Variants in FAM120AOS observed in about 807,000 individuals in gnomAD.
FAM120AOS encodes the protein uncharacterized protein FAM120AOS.
In FAM120AOS, 15 loss-of-function variants were observed where a neutral mutation model predicts 20.2. The ratio of observed to expected loss-of-function variants is 0.74; its 90% CI spans 0.50 to 1.15. The LOEUF (loss-of-function observed/expected upper bound fraction) is 1.15, where lower values mean the gene tolerates loss of function less well. FAM120AOS is among the 50% of genes most tolerant of loss of function. FAM120AOS has a pLI of 0.00. For synonymous variants in FAM120AOS, 154 were observed against 154.0 expected (o/e 1.00, Z 0.00); for missense variants, 327 against 351.9 (o/e 0.93, Z 0.57).
chr9:93,448,764 C>T (rs1337396147), intron 2 of FAM120AOS, among the ~76,000 whole-genome samples: 3 of 151,960 alleles, frequency 2.0e-5, no homozygotes, highest in African/African-American at 7.3e-5. Context: ...ACTATAGGCG[C>T]CTGCCACCAC....
rs1856874665 is a variant in FAM120AOS, at chr9:93,447,155, T to G, written c.*456A>C. 1 of 158,460 alleles carries G rather than the reference T, an allele frequency of 6.3e-6. No homozygotes were observed. The highest frequency in any genetic ancestry group is 1.4e-5 in the Non-Finnish European group (1 of 71,466). The allele number at this position is 158,460 out of a possible 1,614,324, so 9.8% of individuals were successfully genotyped here. A position where few individuals can be genotyped will look rare whatever the true frequency, so the allele number is the denominator to read the frequency against. On this transcript the variant is annotated 3_prime_UTR_variant, in exon 3 of 3. Transcript: ENST00000375412. Reference sequence around the variant, plus strand: ...CCCCACTATAAAGGGCAATATGATCTGTTGCAGGAGGGTTTATAGGGTACT... The same window carrying G: ...CCCCACTATAAAGGGCAATATGATCGGTTGCAGGAGGGTTTATAGGGTACT...
In FAM120AOS at chr9:93,452,683, A is replaced by G. The variant is rs773546079; in HGVS notation, c.27T>C (p.Asp9=). 1 of 1,598,716 alleles carries G rather than the reference A, an allele frequency of 6.3e-7. No homozygotes were observed. Among genetic ancestry groups the G allele is most frequent in the East Asian group, 2.2e-5 (1 of 44,872 alleles). MGKTKDIG[D]DDTVASEFWS... The stretch of plus-strand genomic sequence containing the variant: ...AGAATTCGGAGGCGACAGTGTCATC[A>G]TCCCCAATATCCTTAGTTTTTCCCA... Residue 9 remains aspartate, a synonymous_variant, in exon 1 of 3, where the codon GAT becomes GAC. Coordinates refer to ENST00000375412, the MANE Select transcript of FAM120AOS (RefSeq NM_198841.4). The surrounding 1 kb of genome is among the most constrained non-coding windows in gnomAD (Gnocchi z 7.0).
intron 1 of FAM120AOS, chr9:93,451,147 C>A: frequency 1.9e-6 from 3 of 1,550,522 alleles, no homozygotes; most frequent in Non-Finnish European, 2.6e-6. Context: ...CAGGCGCGGC[C>A]GGCCAGCATC....
At position 93,450,496 on chromosome 9, in the gene FAM120AOS, T is replaced by C. The variant is rs941284129; in HGVS notation, c.667A>G (p.Ile223Val). 2 of 1,584,604 alleles carry C rather than the reference T, an allele frequency of 1.3e-6. No homozygotes were observed. Among genetic ancestry groups the C allele is most frequent in the South Asian group, 1.2e-5 (1 of 86,452 alleles). ...HAHGLAKEAP[I>V]LPVKKISRSC... is the part of the protein sequence containing the mutation. ...CAACTTGCCTTTTTCACCGGGAGTA[T>C]GGGGGCTTCTTTGGCCAAACCGTGC... The change falls in exon 2 of 3, where the codon ATA becomes GTA. Residue 223 changes from isoleucine (I) to valine (V), a missense_variant. By Grantham distance (29) the Ile-to-Val change is conservative. Around this residue, in one of 3 missense-constraint regions of FAM120AOS, gnomAD observed 86 missense variants for 82.9 expected, o/e 1.04. Coordinates refer to ENST00000375412, the MANE Select transcript of FAM120AOS (RefSeq NM_198841.4).
chr9:93,445,586 T>G lies in FAM120AOS; in HGVS notation c.*2025A>C, dbSNP rs924913467. 7.3e-6 allele frequency among the ~76,000 whole-genome samples: 1 copy of G among 136,276 alleles called. No individual in the cohort carries two copies. Among genetic ancestry groups the G allele is most frequent in the African/African-American group, 3.0e-5 (1 of 33,618 alleles). 89.4% of individuals were successfully genotyped at this position (136,276 alleles called of 152,430 possible). On this transcript the variant is annotated 3_prime_UTR_variant, in exon 3 of 3. Coordinates refer to ENST00000375412, the MANE Select transcript of FAM120AOS (RefSeq NM_198841.4). ...TCCAACTTTCATAAAAATCGTTGTTTTTTTTTTTTTTTTTTTTTTTTGAGA... is the reference window on the plus strand; with the variant it reads ...TCCAACTTTCATAAAAATCGTTGTTGTTTTTTTTTTTTTTTTTTTTTGAGA...
intron 1 of FAM120AOS, 32 bp from the exon 2 acceptor site, chr9:93,450,631 G>GT (rs1564294504): frequency 3.7e-6 from 6 of 1,608,606 alleles, no homozygotes; most frequent in South Asian, 2.2e-5. Flanking sequence ...AGAGATGAAG[G>GT]TAAGTAAAAG....
chr9:93,450,487 C>T lies in FAM120AOS; in HGVS notation c.676G>A (p.Val226Met). The change falls in exon 2 of 3, where the codon GTG becomes ATG. Residue 226 changes from valine to methionine, a missense_variant. Coordinates refer to ENST00000375412, the MANE Select transcript of FAM120AOS (RefSeq NM_198841.4). ...AGAAAAATCCAACTTGCCTTTTTCACCGGGAGTATGGGGGCTTCTTTGGCC... is the reference window on the plus strand; with the variant it reads ...AGAAAAATCCAACTTGCCTTTTTCATCGGGAGTATGGGGGCTTCTTTGGCC... ...GLAKEAPILPVKKISRSCSVN... is the reference protein window; with the variant it reads ...GLAKEAPILPMKKISRSCSVN... The T allele has an allele frequency of 6.4e-7, 1 of 1,569,818 alleles. No individual in the cohort carries two copies. Among genetic ancestry groups the T allele is most frequent in the Non-Finnish European group, 8.6e-7 (1 of 1,160,742 alleles).
chr9:93,450,461 C>G lies in FAM120AOS; in HGVS notation c.684+18G>C, dbSNP rs1564293957. On this transcript the variant is annotated intron_variant, in intron 2 of 2. Transcript: ENST00000375412. ...TTGAGGTGGGTATCAGAAAAGAAAG[C>G]AGAAAAATCCAACTTGCCTTTTTCA... 1 of 1,547,566 alleles carries G rather than the reference C, an allele frequency of 6.5e-7. No individual in the cohort carries two copies. The highest frequency in any genetic ancestry group is 2.3e-5 in the East Asian group (1 of 44,258).
chr9:93,451,535 C>T, intron 1 of FAM120AOS: 3 of 989,966 alleles, frequency 3.0e-6, no homozygotes, highest in Non-Finnish European at 3.6e-6. Flanking sequence ...TCCGCCTCCG[C>T]CGCCGCCTCC....
rs1285952707 is a variant in FAM120AOS at position 93,445,616 on chromosome 9, G to A, written c.*1995C>T. On this transcript the variant is annotated 3_prime_UTR_variant, in exon 3 of 3. Coordinates refer to ENST00000375412, the MANE Select transcript of FAM120AOS (RefSeq NM_198841.4). ...TTTTTTTTTTTTTTTTTGAGACAAGGCCTCACTCTGTTGCCCAGGCTGGAG... is the reference window on the plus strand; with the variant it reads ...TTTTTTTTTTTTTTTTTGAGACAAGACCTCACTCTGTTGCCCAGGCTGGAG... Among the ~76,000 whole-genome samples, 2 of 113,076 alleles carry A rather than the reference G, an allele frequency of 1.8e-5. No individual in the cohort carries two copies. Among genetic ancestry groups the A allele is most frequent in the Non-Finnish European group, 3.5e-5 (2 of 56,964 alleles). 74.2% of individuals were successfully genotyped at this position (113,076 alleles called of 152,430 possible). A position where few individuals can be genotyped will look rare whatever the true frequency, so the allele number is the denominator to read the frequency against.
intron 2 of FAM120AOS, 25 bp from the exon 3 acceptor site, chr9:93,447,722 T>C: frequency 6.4e-7 from 1 of 1,567,466 alleles, no homozygotes; most frequent in Non-Finnish European, 8.8e-7. Flanking sequence ...AAAAAGGTAG[T>C]TTATATATTA....
At chr9:93,451,599 G>A (rs556452661) in intron 1 of FAM120AOS, 1 of 982,566 alleles carries the variant, frequency 1.0e-6, no homozygotes, top group East Asian at 1.2e-4. Flanking sequence ...GCTAGCCGGC[G>A]GGCCTGGGCG....
chr9:93,450,353 A>G, intron 2 of FAM120AOS, 126 bp downstream of exon 2: 1 of 1,408,582 alleles, frequency 7.1e-7, no homozygotes, highest in Non-Finnish European at 9.5e-7. Flanking sequence ...GGTGAGTGGC[A>G]TAACTTGTCA....
chr9:93,453,505 C>T lies in FAM120AOS; in HGVS notation c.-796G>A, dbSNP rs1439393345. The T allele has an allele frequency of 4.1e-6, 4 of 985,334 alleles. No homozygotes were observed. In the South Asian group the frequency reaches 1.4e-4, roughly 35 times the overall value. The allele number at this position is 985,334 out of a possible 1,614,324, so 61.0% of individuals were successfully genotyped here. A position where few individuals can be genotyped will look rare whatever the true frequency, so the allele number is the denominator to read the frequency against. ...GTCATTTGACATTTCCTTGAAACTGCTGGAGCTGAAAGTTTGTGAAATTCT... is the reference window on the plus strand; with the variant it reads ...GTCATTTGACATTTCCTTGAAACTGTTGGAGCTGAAAGTTTGTGAAATTCT... On this transcript the variant is annotated 5_prime_UTR_variant, in exon 1 of 3. Transcript: ENST00000375412.
chr9:93,450,636 T>TAA, intron 1 of FAM120AOS, 37 bp from the exon 2 acceptor site: 1 of 1,608,816 alleles, frequency 6.2e-7, no homozygotes, highest in Non-Finnish European at 8.5e-7. Context: ...TGAAGGTAAG[T>TAA]AAAAGCGGCA....
chr9:93,451,723 T>C, intron 1 of FAM120AOS: 1 of 971,818 alleles, frequency 1.0e-6, no homozygotes, highest in Non-Finnish European at 1.2e-6. Context: ...CGGCGGCAGG[T>C]CCCTCCCCAG....
At chr9:93,450,929 C>A in intron 1 of FAM120AOS, 1 of 1,262,554 alleles carries the variant, frequency 7.9e-7, no homozygotes. Context: ...GCAGGCTTTC[C>A]CACGCTGCAA....
rs948889353 is a variant in FAM120AOS at position 93,453,343 on chromosome 9, C to T, written c.-634G>A. On this transcript the variant is annotated 5_prime_UTR_variant, in exon 1 of 3. Coordinates refer to ENST00000375412, the MANE Select transcript of FAM120AOS (RefSeq NM_198841.4). ...GCCAGAGGAGAACTTCAGGACCCAG[C>T]AGTGACTGTGAAGATAAGCACATCC... 5.1e-6 allele frequency: 5 copies of T among 985,646 alleles called. No individual in the cohort carries two copies. Among genetic ancestry groups the T allele is most frequent in the Middle Eastern group, 5.2e-4 (1 of 1,938 alleles). 61.1% of individuals were successfully genotyped at this position (985,646 alleles called of 1,614,324 possible).
At chr9:93,447,788 T>G in intron 2 of FAM120AOS, 91 bp from the exon 3 acceptor site, 4 of 1,109,100 alleles carry the variant, frequency 3.6e-6, no homozygotes, top group Non-Finnish European at 4.0e-6. Context: ...TATTGATCTC[T>G]GTGGAGCTCT....
Sources: allele counts gnomAD v4.1 joint callset (sites outside exome capture counted in the v4.1 genomes callset), GRCh38; gene constraint gnomAD v4.1.1; regional missense constraint gnomAD v4.1.1; non-coding constraint Gnocchi (gnomAD v3.1); transcripts MANE v1.5; gene names NCBI Gene and HGNC (gene_info 2026-07-23, HGNC 2026-07-21).